Variants in FGF14 observed in about 807,000 individuals in gnomAD.
The protein encoded by FGF14 is fibroblast growth factor 14, also known as fibroblast growth factor homologous factor 4.
A neutral mutation model predicts 25.5 loss-of-function variants in FGF14; 5 were observed. The ratio of observed to expected loss-of-function variants is 0.20; its 90% confidence interval spans 0.10 to 0.41. The LOEUF (loss-of-function observed/expected upper bound fraction) is 0.41, where lower values mean the gene tolerates loss of function less well. Among genes scored for constraint, FGF14 ranks in the 10% least tolerant of loss-of-function variants. The probability of loss-of-function intolerance (pLI) is 1.00; values close to 1 mark genes in which losing one functional copy is unlikely to be tolerated. For synonymous variants in FGF14, 138 were observed against 118.3 expected, an observed-to-expected ratio of 1.17 and a Z score of -1.08; for missense variants, 222 against 320.1, an observed-to-expected ratio of 0.69 and a Z score of 2.34.
At chr13:102,376,096 G>A (rs958706156) in intron 1 of FGF14, among the ~76,000 whole-genome samples, 6 of 152,142 alleles carry the variant, frequency 3.9e-5, no homozygotes, top group Non-Finnish European at 5.9e-5. Flanking sequence ...TGGTTTGGCT[G>A]TGTCCCTACC....
intron 1 of FGF14, among the ~76,000 whole-genome samples, chr13:101,959,993 A>C (rs1226913222): frequency 6.6e-6 from 1 of 152,236 alleles, no homozygotes; most frequent in Non-Finnish European, 1.5e-5. Flanking sequence ...CAGCTTAACC[A>C]TTTAAAGCTT....
At chr13:101,865,835 T>C (rs1006788832) in intron 3 of FGF14, among the ~76,000 whole-genome samples, 3 of 152,156 alleles carry the variant, frequency 2.0e-5, no homozygotes, top group Non-Finnish European at 2.9e-5. Flanking sequence ...CAATTTCATA[T>C]TAGACTCTAG....
chr13:101,845,355 C>T (rs545434192), intron 3 of FGF14, among the ~76,000 whole-genome samples: 2 of 152,066 alleles, frequency 1.3e-5, no homozygotes, highest in South Asian at 4.1e-4. Flanking sequence ...TATGAAAACT[C>T]GGGGAGCAAT....
chr13:101,907,128 T>C (rs1054726347), intron 1 of FGF14, among the ~76,000 whole-genome samples: 1 of 152,106 alleles, frequency 6.6e-6, no homozygotes, highest in Non-Finnish European at 1.5e-5. Flanking sequence ...AAAGACTAAT[T>C]CTCAGAAAGA....
chr13:102,095,779 G>A (rs2044366055), intron 1 of FGF14, among the ~76,000 whole-genome samples: 2 of 151,920 alleles, frequency 1.3e-5, no homozygotes, highest in Admixed American at 6.6e-5. Context: ...TTACCTTACA[G>A]TAAGACTACA....
intron 1 of FGF14, among the ~76,000 whole-genome samples, chr13:102,080,249 C>T (rs575751415): frequency 5.3e-5 from 8 of 152,246 alleles, no homozygotes; most frequent in Non-Finnish European, 7.4e-5. Flanking sequence ...CAGAAGACGA[C>T]GATGACTTGG....
In FGF14 at chr13:101,713,476, AG is replaced by A. The variant is rs1425627608; in HGVS notation, c.*9354del. On this transcript the variant is annotated 3_prime_UTR_variant, in exon 5 of 5. Coordinates refer to ENST00000376143, the MANE Select transcript of FGF14 (RefSeq NM_004115.4). The stretch of plus-strand genomic sequence containing the variant: ...ATACAGCCATCTTTTAGTAAATGGA[AG>A]TCATGTTTGGAAAGAACAACCAACC... The A allele has an allele frequency of 2.0e-5, 3 of 152,208 alleles. No homozygotes were observed. Among genetic ancestry groups the A allele is most frequent in the Non-Finnish European group, 4.4e-5 (3 of 68,036 alleles). 9.4% of individuals were successfully genotyped at this position (152,208 alleles called of 1,614,324 possible).
chr13:102,256,869 C>T (rs2052466659), intron 1 of FGF14, among the ~76,000 whole-genome samples: 1 of 152,100 alleles, frequency 6.6e-6, no homozygotes, highest in Non-Finnish European at 1.5e-5. Context: ...TAAATTAAAT[C>T]TAAGTAGTTT....
At chr13:102,159,219 G>A (rs2047513209) in intron 1 of FGF14, among the ~76,000 whole-genome samples, 1 of 151,214 alleles carries the variant, frequency 6.6e-6, no homozygotes, top group Admixed American at 6.6e-5. Flanking sequence ...TGAAAAACTA[G>A]CTGTAATAGA....
At chr13:101,850,489 T>C (rs1360829954) in intron 3 of FGF14, among the ~76,000 whole-genome samples, 1 of 908 alleles carries the variant, frequency 1.1e-3, no homozygotes, top group Admixed American at 0.018. Context: ...TATATATATA[T>C]ATATATATAT....
Position 102,296,181 on chromosome 13 carries a change from C to T in FGF14, c.208+105290G>A, listed in dbSNP as rs147043989. Among the ~76,000 whole-genome samples the T allele has an allele frequency of 1.7e-3, 258 of 152,194 alleles. 1 individual carries two copies. The highest frequency in any genetic ancestry group is 5.9e-3 in the African/African-American group (245 of 41,538). On this transcript the variant is annotated intron_variant, in intron 1 of 4. Transcript: ENST00000376131. ...TGGTGTGACATTTCTCATCATGTCT[C>T]CCAGGCCCACAAAGAAAACAGATGG...
intron 1 of FGF14, among the ~76,000 whole-genome samples, chr13:102,051,638 A>G (rs981217785): frequency 7.2e-5 from 11 of 152,184 alleles, no homozygotes; most frequent in African/African-American, 2.7e-4. Context: ...GATCCCTGCA[A>G]CATTTGCCAA....
At chr13:101,899,701 A>G (rs2031270132) in intron 1 of FGF14, among the ~76,000 whole-genome samples, 1 of 152,016 alleles carries the variant, frequency 6.6e-6, no homozygotes, top group Non-Finnish European at 1.5e-5. Flanking sequence ...ATATTCTGAT[A>G]TAAGGATATA....
At chr13:101,951,117 G>C (rs2036143381) in intron 1 of FGF14, among the ~76,000 whole-genome samples, 1 of 152,170 alleles carries the variant, frequency 6.6e-6, no homozygotes. Flanking sequence ...AAGTAATGCA[G>C]TCAGATAAAT....
At chr13:102,205,885 A>G (rs2049886861) in intron 1 of FGF14, among the ~76,000 whole-genome samples, 1 of 151,326 alleles carries the variant, frequency 6.6e-6, no homozygotes, top group Non-Finnish European at 1.5e-5. Context: ...AGTGGAAGCC[A>G]TGAGGAGCAT....
At chr13:102,288,177 C>T (rs1264165812) in intron 1 of FGF14, among the ~76,000 whole-genome samples, 1 of 152,078 alleles carries the variant, frequency 6.6e-6, no homozygotes, top group Non-Finnish European at 1.5e-5. Flanking sequence ...TTAGAAAAGG[C>T]TAATAAAGTG....
At chr13:101,854,032 A>C (rs2043996190) in intron 3 of FGF14, among the ~76,000 whole-genome samples, 1 of 152,096 alleles carries the variant, frequency 6.6e-6, no homozygotes, top group Admixed American at 6.6e-5. Flanking sequence ...AAAAATGCTC[A>C]TTTAAACTAT....
chr13:102,368,663 T>C (rs1443747073), intron 1 of FGF14, among the ~76,000 whole-genome samples: 1 of 152,178 alleles, frequency 6.6e-6, no homozygotes, highest in Non-Finnish European at 1.5e-5. Context: ...TTAAAAGATT[T>C]ACCAATCCTG....
intron 1 of FGF14, among the ~76,000 whole-genome samples, chr13:101,876,948 A>G (rs554495086): frequency 1.3e-5 from 2 of 152,312 alleles, no homozygotes; most frequent in South Asian, 2.1e-4. Context: ...ATAAAAGCAA[A>G]AAGAGTTAAA....
Sources: allele counts gnomAD v4.1 joint callset (sites outside exome capture counted in the v4.1 genomes callset), GRCh38; gene constraint gnomAD v4.1.1; transcripts MANE v1.5; gene names NCBI Gene and HGNC (gene_info 2026-07-23, HGNC 2026-07-21).